The following ELMO1 variants were observed in gnomAD, a reference collection of about 807,000 sequenced individuals.
ELMO1 encodes the protein engulfment and cell motility 1.
A neutral mutation model predicts 98.9 loss-of-function variants in ELMO1; 26 were observed. The ratio of observed to expected loss-of-function variants is 0.26; its 90% CI spans 0.19 to 0.36. The LOEUF is 0.36. Among genes scored for constraint, ELMO1 ranks in the 10% least tolerant of loss-of-function variants. The pLI is 1.00. For missense variants in ELMO1, 627 were observed against 935.2 expected (o/e 0.67, Z 4.30); for synonymous variants, 346 against 346.0 (o/e 1.00, Z 0.00).
intron 5 of ELMO1, among the ~76,000 whole-genome samples, chr7:37,262,947 G>A (rs1741632985): frequency 1.3e-5 from 2 of 152,134 alleles, no homozygotes; most frequent in South Asian, 4.1e-4. Flanking sequence ...ATCTCAGCTG[G>A]GCAGTAACCC....
At chr7:37,102,736 G>A (rs1784705302) in intron 14 of ELMO1, among the ~76,000 whole-genome samples, 1 of 152,204 alleles carries the variant, frequency 6.6e-6, no homozygotes, top group African/African-American at 2.4e-5. Context: ...GAGACAAAGA[G>A]ATGTGTCACT....
intron 16 of ELMO1, among the ~76,000 whole-genome samples, chr7:36,984,409 C>T (rs192936718): frequency 6.6e-6 from 1 of 152,312 alleles, no homozygotes; most frequent in East Asian, 1.9e-4. Context: ...TCTCCTGCAA[C>T]GTCAGCCCTA....
intron 15 of ELMO1, among the ~76,000 whole-genome samples, chr7:37,055,481 G>A (rs532210034): frequency 3.9e-5 from 6 of 152,284 alleles, no homozygotes; most frequent in South Asian, 2.1e-4. Context: ...AGTTGTAGCA[G>A]TCAAGCTACC....
chr7:37,008,506 A>C (rs1253384610), intron 16 of ELMO1, among the ~76,000 whole-genome samples: 1 of 152,160 alleles, frequency 6.6e-6, no homozygotes, highest in Non-Finnish European at 1.5e-5. Flanking sequence ...CATAGCCAAA[A>C]AATGTCTGTT....
chr7:36,873,999 T>C (rs569845264), intron 19 of ELMO1, among the ~76,000 whole-genome samples: 1 of 152,134 alleles, frequency 6.6e-6, no homozygotes, highest in African/African-American at 2.4e-5. Flanking sequence ...CATCCCAGGA[T>C]AGCTGCATGA....
chr7:37,344,561 T>C (rs1800900480), intron 1 of ELMO1, among the ~76,000 whole-genome samples: 1 of 152,206 alleles, frequency 6.6e-6, no homozygotes. Flanking sequence ...TTTGCACATA[T>C]GCAAGTACAT....
chr7:36,879,836 T>C (rs905995702), intron 18 of ELMO1, among the ~76,000 whole-genome samples: 5 of 152,254 alleles, frequency 3.3e-5, no homozygotes, highest in African/African-American at 1.2e-4. Flanking sequence ...GTCATTTTTC[T>C]GGGAGAGCAT....
chr7:37,059,032 C>G (rs1367107208), intron 15 of ELMO1, among the ~76,000 whole-genome samples: 1 of 152,160 alleles, frequency 6.6e-6, no homozygotes, highest in Non-Finnish European at 1.5e-5. Context: ...CTCGGGCCAC[C>G]TGAGGCAAGG....
intron 17 of ELMO1, among the ~76,000 whole-genome samples, chr7:36,892,147 A>G (rs575654721): frequency 6.6e-6 from 1 of 152,312 alleles, no homozygotes; most frequent in East Asian, 1.9e-4. Context: ...TTTTATAACA[A>G]CAGGGTGTAT....
chr7:37,156,981 T>G (rs531550284), intron 13 of ELMO1, among the ~76,000 whole-genome samples: 6 of 152,266 alleles, frequency 3.9e-5, no homozygotes, highest in African/African-American at 1.4e-4. Flanking sequence ...GAGCAAGTCT[T>G]CTTCATCCCT....
chr7:37,157,935 T>C (rs1396426291), intron 13 of ELMO1, among the ~76,000 whole-genome samples: 2 of 152,270 alleles, frequency 1.3e-5, no homozygotes, highest in East Asian at 3.9e-4. Context: ...CAAAACAGCA[T>C]GGTACTGGTA....
At chr7:36,948,161 T>A (rs983724604) in intron 16 of ELMO1, among the ~76,000 whole-genome samples, 1 of 152,184 alleles carries the variant, frequency 6.6e-6, no homozygotes, top group African/African-American at 2.4e-5. Flanking sequence ...AATATTTATC[T>A]TAGAGAAGTT....
chr7:37,154,876 T>A (rs970205906), intron 13 of ELMO1, among the ~76,000 whole-genome samples: 3 of 151,690 alleles, frequency 2.0e-5, no homozygotes, highest in African/African-American at 7.3e-5. Context: ...TTTACCAAGG[T>A]TGAAAGGAAG....
chr7:37,282,983 T>C (rs868687700), intron 4 of ELMO1, among the ~76,000 whole-genome samples: 32 of 152,336 alleles, frequency 2.1e-4, no homozygotes, highest in African/African-American at 7.5e-4. Flanking sequence ...AGATATCTAT[T>C]AACTACCTAT....
intron 14 of ELMO1, among the ~76,000 whole-genome samples, chr7:37,119,618 C>T (rs1785862382): frequency 6.6e-6 from 1 of 152,084 alleles, no homozygotes; most frequent in Non-Finnish European, 1.5e-5. Flanking sequence ...AAAAAAGTGG[C>T]TATAATGAAA....
chr7:37,384,918 C>A (rs1440574951), intron 1 of ELMO1, among the ~76,000 whole-genome samples: 1 of 152,182 alleles, frequency 6.6e-6, no homozygotes, highest in Non-Finnish European at 1.5e-5. Flanking sequence ...GAGCTTGTGA[C>A]CATGTTCAGG....
At chr7:36,861,813 T>C in intron 20 of ELMO1, 77 bp from the exon 21 acceptor site, 3 of 1,406,600 alleles carry the variant, frequency 2.1e-6, no homozygotes, top group Non-Finnish European at 3.0e-6. Context: ...GGCTGCACAT[T>C]GACCATGGCA....
intron 15 of ELMO1, among the ~76,000 whole-genome samples, chr7:37,058,554 C>T (rs1226021318): frequency 6.6e-6 from 1 of 152,122 alleles, no homozygotes; most frequent in Non-Finnish European, 1.5e-5. Flanking sequence ...TTTCATCAGA[C>T]TGACTGGAGG....
chr7:37,388,109 A>G (rs1374031160), intron 1 of ELMO1, among the ~76,000 whole-genome samples: 1 of 152,188 alleles, frequency 6.6e-6, no homozygotes, highest in Non-Finnish European at 1.5e-5. Context: ...AAGTGCAAGG[A>G]ACCCTTTAAA....
Sources: allele counts gnomAD v4.1 joint callset (sites outside exome capture counted in the v4.1 genomes callset), GRCh38; gene constraint gnomAD v4.1.1; transcripts MANE v1.5; gene names NCBI Gene and HGNC (gene_info 2026-07-23, HGNC 2026-07-21).